The following NR6A1 variants were observed in gnomAD, a reference collection of about 807,000 sequenced individuals.
The protein encoded by NR6A1 is nuclear receptor subfamily 6 group A member 1.
NR6A1 carries 7 observed loss-of-function variants against 59.1 expected under a neutral mutation model. That is an observed-to-expected ratio of 0.12 (90% confidence interval 0.07 to 0.22). NR6A1 has a LOEUF of 0.22. Ranked by LOEUF, NR6A1 falls within the 10% of genes least tolerant of loss-of-function variation. The probability of loss-of-function intolerance (pLI) is 1.00; values close to 1 mark genes in which losing one functional copy is unlikely to be tolerated. For missense variants in NR6A1, 468 were observed against 611.6 expected, an observed-to-expected ratio of 0.77 and a Z score of 2.48; for synonymous variants, 243 against 236.1, an observed-to-expected ratio of 1.03 and a Z score of -0.27.
chr9:124,541,488 A>AAAAC (rs527585729), intron 4 of NR6A1, among the ~76,000 whole-genome samples: 8 of 151,928 alleles, frequency 5.3e-5, no homozygotes, highest in South Asian at 4.2e-4. Context: ...AAAAAACCCC[A>AAAAC]AAACAAACAA....
At chr9:124,755,174 G>GAAAGACTAAA (rs1554753225) in intron 1 of NR6A1, among the ~76,000 whole-genome samples, 2 of 152,168 alleles carry the variant, frequency 1.3e-5, no homozygotes, top group Admixed American at 6.5e-5. Context: ...TCACATTACC[G>GAAAGACTAAA]TGGAAATATT....
chr9:124,531,433 C>T (rs150027441), intron 7 of NR6A1, among the ~76,000 whole-genome samples: 1 of 152,174 alleles, frequency 6.6e-6, no homozygotes, highest in African/African-American at 2.4e-5. Flanking sequence ...AAAGCCTTTC[C>T]ATGACAGCAG....
chr9:124,616,087 A>C (rs1835881127), intron 2 of NR6A1, among the ~76,000 whole-genome samples: 1 of 152,108 alleles, frequency 6.6e-6, no homozygotes, highest in Admixed American at 6.5e-5. Context: ...CATGAAACAG[A>C]AATTTCCTGA....
intron 2 of NR6A1, among the ~76,000 whole-genome samples, chr9:124,556,399 C>T (rs1180544139): frequency 1.3e-5 from 2 of 152,064 alleles, no homozygotes; most frequent in Non-Finnish European, 2.9e-5. Context: ...CCGATTCTCC[C>T]CTAGAGCTTC....
intron 6 of NR6A1, among the ~76,000 whole-genome samples, chr9:124,537,070 A>ATTT (rs111541971): frequency 2.2e-5 from 3 of 136,612 alleles, no homozygotes; most frequent in Non-Finnish European, 4.7e-5. Context: ...CCACATCTAA[A>ATTT]TTTTTTTTTT....
intron 2 of NR6A1, among the ~76,000 whole-genome samples, chr9:124,584,532 A>C (rs545781909): frequency 6.6e-6 from 1 of 152,264 alleles, no homozygotes; most frequent in African/African-American, 2.4e-5. Context: ...AAGTCTTGTA[A>C]TATTTCAAAC....
At chr9:124,630,210 GTTT>G (rs71372979) in intron 2 of NR6A1, among the ~76,000 whole-genome samples, 4 of 95,352 alleles carry the variant, frequency 4.2e-5, no homozygotes, top group Admixed American at 2.7e-4. Context: ...CTCCAAATCA[GTTT>G]TTTTTTTTTT....
intron 2 of NR6A1, among the ~76,000 whole-genome samples, chr9:124,707,100 C>T (rs1000546453): frequency 6.6e-6 from 1 of 151,932 alleles, no homozygotes; most frequent in African/African-American, 2.4e-5. Flanking sequence ...TATTTTCCTG[C>T]CCCTTTCTCT....
chr9:124,637,892 CAAAAAAAAAAA>C (rs796714741), intron 2 of NR6A1, among the ~76,000 whole-genome samples: 2 of 78,982 alleles, frequency 2.5e-5, no homozygotes, highest in Non-Finnish European at 5.0e-5. Flanking sequence ...ACTCCCTCTC[CAAAAAAAAAAA>C]AAAAAAAAAG....
intron 1 of NR6A1, among the ~76,000 whole-genome samples, chr9:124,757,804 CA>C (rs975614610): frequency 5.9e-5 from 9 of 152,174 alleles, no homozygotes; most frequent in Non-Finnish European, 8.8e-5. Context: ...CCCTGCTTTC[CA>C]AACAAGGCAT....
intron 1 of NR6A1, among the ~76,000 whole-genome samples, chr9:124,769,799 C>T (rs900735325): frequency 6.6e-6 from 1 of 152,230 alleles, no homozygotes; most frequent in African/African-American, 2.4e-5. Context: ...CCGGTGCGAG[C>T]ACCCTTTGTA....
intron 2 of NR6A1, among the ~76,000 whole-genome samples, chr9:124,601,798 T>TA (rs1009001361): frequency 2.4e-4 from 35 of 147,452 alleles, no homozygotes; most frequent in East Asian, 4.0e-4. Context: ...CCCGTCTCTA[T>TA]AAAAAAAAAA....
At chr9:124,601,401 A>G (rs1337835684) in intron 2 of NR6A1, among the ~76,000 whole-genome samples, 2 of 151,028 alleles carry the variant, frequency 1.3e-5, no homozygotes, top group African/African-American at 4.9e-5. Context: ...TGGCGAACAC[A>G]GTGAAACCCC....
chr9:124,622,780 G>A (rs1458221400), intron 2 of NR6A1, among the ~76,000 whole-genome samples: 1 of 152,022 alleles, frequency 6.6e-6, no homozygotes, highest in African/African-American at 2.4e-5. Context: ...GTAGGAAATT[G>A]AGCTCAATTC....
intron 2 of NR6A1, among the ~76,000 whole-genome samples, chr9:124,721,472 C>A (rs1020628637): frequency 2.4e-4 from 36 of 152,082 alleles, no homozygotes; most frequent in African/African-American, 7.7e-4. Context: ...AGCAGGCACT[C>A]GGAACTGTTA....
intron 8 of NR6A1, among the ~76,000 whole-genome samples, chr9:124,525,477 C>T (rs906683032): frequency 2.6e-5 from 4 of 152,068 alleles, no homozygotes; most frequent in Non-Finnish European, 5.9e-5. Flanking sequence ...ACCTCAGCCT[C>T]CTGAGAAGCT....
chr9:124,530,737 G>C (rs1348165616), intron 7 of NR6A1, among the ~76,000 whole-genome samples: 1 of 152,176 alleles, frequency 6.6e-6, no homozygotes, highest in Non-Finnish European at 1.5e-5. Flanking sequence ...TGCCATCTCA[G>C]CACCCATGTA....
intron 2 of NR6A1, among the ~76,000 whole-genome samples, chr9:124,668,645 T>TTTG (rs1837700097): frequency 6.6e-6 from 1 of 152,230 alleles, no homozygotes; most frequent in Non-Finnish European, 1.5e-5. Context: ...TTCACAATCA[T>TTTG]TTGTTCACTT....
intron 1 of NR6A1, among the ~76,000 whole-genome samples, chr9:124,747,647 C>T (rs1293795694): frequency 2.0e-5 from 3 of 152,268 alleles, no homozygotes; most frequent in Middle Eastern, 3.4e-3. Flanking sequence ...TCTTTGAATC[C>T]TCTTTCTCCT....
Sources: allele counts gnomAD v4.1 joint callset (sites outside exome capture counted in the v4.1 genomes callset), GRCh38; gene constraint gnomAD v4.1.1; transcripts MANE v1.5; gene names NCBI Gene and HGNC (gene_info 2026-07-23, HGNC 2026-07-21).